The following RAD51B variants were observed in gnomAD, a reference collection of about 807,000 sequenced individuals.
The protein encoded by RAD51B is DNA repair protein RAD51 homolog 2.
Under a neutral mutation model 42.2 loss-of-function variants are expected in RAD51B, and 38 were observed. The ratio of observed to expected loss-of-function variants is 0.90; its 90% confidence interval spans 0.70 to 1.18. RAD51B has a LOEUF of 1.18. RAD51B is among the 50% of genes most tolerant of loss of function. The probability of loss-of-function intolerance (pLI) is 0.00; values close to 1 mark genes in which losing one functional copy is unlikely to be tolerated. For missense variants in RAD51B, 373 were observed against 400.7 expected (o/e 0.93, Z 0.59); for synonymous variants, 154 against 145.2 (o/e 1.06, Z -0.43).
chr14:68,046,597 G>A (rs1027599829), intron 7 of RAD51B, among the ~76,000 whole-genome samples: 43 of 152,264 alleles, frequency 2.8e-4, no homozygotes, highest in Admixed American at 5.2e-4. Flanking sequence ...AATAGTTGGG[G>A]ATGGTGGCGC....
chr14:68,465,951 A>AAAAAAAAAAT (rs368641918), intron 9 of RAD51B, among the ~76,000 whole-genome samples: 2 of 90,458 alleles, frequency 2.2e-5, no homozygotes, highest in East Asian at 2.3e-4. Context: ...AAAAAAAAAA[A>AAAAAAAAAAT]AAATAAATAA....
intron 7 of RAD51B, among the ~76,000 whole-genome samples, chr14:68,162,511 C>T (rs150035238): frequency 1.4e-4 from 22 of 152,266 alleles, no homozygotes; most frequent in African/African-American, 4.3e-4. Flanking sequence ...AGCTGCCGGG[C>T]GTAGTGGCTC....
intron 8 of RAD51B, among the ~76,000 whole-genome samples, chr14:68,372,188 A>G (rs2083279071): frequency 6.6e-6 from 1 of 152,206 alleles, no homozygotes. Context: ...TTTGGCAGAT[A>G]CAATCAATGG....
chr14:68,116,783 T>C (rs1327017477), intron 7 of RAD51B, among the ~76,000 whole-genome samples: 3 of 152,216 alleles, frequency 2.0e-5, no homozygotes, highest in Non-Finnish European at 4.4e-5. Flanking sequence ...AATTGGACTT[T>C]GCTTATTTAA....
rs1269591936 is a variant in RAD51B, at chr14:68,136,558, C to T, written c.757-155326C>T. On this transcript the variant is annotated intron_variant, in intron 7 of 10. Coordinates refer to ENST00000471583, the MANE Select transcript of RAD51B (RefSeq NM_133510.4). ...ACACCACTGCACTGTAGTGTGGTGA[C>T]AAATGAGACTCCATCTCAAAAAAAA... Among the ~76,000 whole-genome samples, 53 of 21,710 alleles carry T rather than the reference C, an allele frequency of 2.4e-3. 6 individuals are homozygous for T. The highest frequency in any genetic ancestry group is 6.0e-3 in the African/African-American group (52 of 8,604). The allele number at this position is 21,710 out of a possible 152,430, so 14.2% of individuals were successfully genotyped here.
At chr14:67,860,400 A>G (rs1229396270) in intron 4 of RAD51B, among the ~76,000 whole-genome samples, 1 of 152,206 alleles carries the variant, frequency 6.6e-6, no homozygotes, top group Non-Finnish European at 1.5e-5. Flanking sequence ...AAAACAATGT[A>G]TATGAGAGAA....
At chr14:68,139,001 CTT>C (rs2078068931) in intron 7 of RAD51B, among the ~76,000 whole-genome samples, 1 of 151,898 alleles carries the variant, frequency 6.6e-6, no homozygotes, top group Admixed American at 6.6e-5. Context: ...GCCTCTACCA[CTT>C]TTAAAAAAAT....
Position 67,886,933 on chromosome 14 carries a change from GTTT to G in RAD51B, c.573-85_573-83del, listed in dbSNP as rs1241145609. The G allele has an allele frequency of 8.4e-6, 7 of 829,816 alleles. No individual in the cohort carries two copies. In the African/African-American group the frequency reaches 8.7e-5, roughly 10 times the overall value. The allele number at this position is 829,816 out of a possible 1,614,324, so 51.4% of individuals were successfully genotyped here. A position where few individuals can be genotyped will look rare whatever the true frequency, so the allele number is the denominator to read the frequency against. ...GTAACTTAGGAAAGAATAGTTTATT[GTTT>G]TTAAGTTGCTTAGCCTTTGCAATAC... is the stretch of plus-strand genomic sequence containing the variant. On this transcript the variant is annotated intron_variant, in intron 6 of 10. Transcript: ENST00000471583.
intron 7 of RAD51B, among the ~76,000 whole-genome samples, chr14:68,196,190 C>CA (rs538516792): frequency 0.01 from 1,128 of 112,126 alleles, 7 homozygotes; most frequent in African/African-American, 0.023. Context: ...GACTCCATCT[C>CA]AAAAAAAAAA....
intron 7 of RAD51B, among the ~76,000 whole-genome samples, chr14:68,290,478 A>T (rs2081494624): frequency 6.6e-6 from 1 of 152,262 alleles, no homozygotes; most frequent in Non-Finnish European, 1.5e-5. Flanking sequence ...TCTTGACTAT[A>T]CCAAATTTGA....
chr14:68,088,159 A>G (rs1322582413), intron 7 of RAD51B, among the ~76,000 whole-genome samples: 3 of 150,762 alleles, frequency 2.0e-5, no homozygotes, highest in African/African-American at 7.3e-5. Context: ...CCATGAATCT[A>G]AGAGCTATTA....
At chr14:68,397,316 T>C (rs761168669) in intron 8 of RAD51B, among the ~76,000 whole-genome samples, 1 of 152,238 alleles carries the variant, frequency 6.6e-6, no homozygotes, top group Non-Finnish European at 1.5e-5. Flanking sequence ...ATTTTGCAGA[T>C]GTGAACTGAC....
intron 10 of RAD51B, among the ~76,000 whole-genome samples, chr14:68,485,666 C>T (rs1198513838): frequency 2.6e-5 from 4 of 152,172 alleles, no homozygotes; most frequent in African/African-American, 9.7e-5. Context: ...TCCCTTGTCC[C>T]TATCCCTGAT....
intron 7 of RAD51B, among the ~76,000 whole-genome samples, chr14:67,999,702 C>T (rs940288690): frequency 2.0e-5 from 3 of 152,278 alleles, no homozygotes; most frequent in African/African-American, 4.8e-5. Context: ...CTTGACTTGG[C>T]ATATCATAGA....
intron 7 of RAD51B, among the ~76,000 whole-genome samples, chr14:67,894,216 C>G (rs1350756526): frequency 1.3e-5 from 2 of 152,180 alleles, no homozygotes; most frequent in Non-Finnish European, 2.9e-5. Flanking sequence ...ATTAATTTTA[C>G]TAGTTACCTC....
chr14:68,667,120 G>A (rs990080661), intron 11 of RAD51B, among the ~76,000 whole-genome samples: 2 of 152,242 alleles, frequency 1.3e-5, no homozygotes, highest in African/African-American at 4.8e-5. Flanking sequence ...CTATAGACGA[G>A]ATGGAGAGAG....
intron 7 of RAD51B, among the ~76,000 whole-genome samples, chr14:68,052,080 C>G (rs1032101173): frequency 6.6e-6 from 1 of 152,096 alleles, no homozygotes; most frequent in Non-Finnish European, 1.5e-5. Context: ...TGAACATGCC[C>G]AAAAGCTCTG....
rs540454570 is a variant in RAD51B at position 68,326,366 on chromosome 14, T to A, written c.853+34386T>A. On this transcript the variant is annotated intron_variant, in intron 8 of 10. Transcript: ENST00000471583. ...ATGTTATTATTCTTTAAGTAAAACA[T>A]GTTTCCCCAAGTAAACTTACTGTGT... Among the ~76,000 whole-genome samples, 11 of 151,124 alleles carry A rather than the reference T, an allele frequency of 7.3e-5. 1 individual carries two copies. In the East Asian group the frequency reaches 2.1e-3, roughly 29 times the overall value.
chr14:68,409,325 A>G (rs1442846732), intron 8 of RAD51B, among the ~76,000 whole-genome samples: 1 of 152,236 alleles, frequency 6.6e-6, no homozygotes, highest in Non-Finnish European at 1.5e-5. Context: ...TGTGAATTTC[A>G]AGAGAAATGG....
Sources: gnomAD v4.1 joint callset for allele counts (sites outside exome capture counted in the v4.1 genomes callset) on GRCh38, gnomAD v4.1.1 for gene constraint, MANE v1.5 for transcripts, NCBI Gene and HGNC (gene_info 2026-07-23, HGNC 2026-07-21) for gene names.